The following PDE4D variants were observed in gnomAD, a reference collection of about 807,000 sequenced individuals.
The protein encoded by PDE4D is phosphodiesterase 4D.
Under a neutral mutation model 87.4 loss-of-function variants are expected in PDE4D, and 24 were observed. The ratio of observed to expected loss-of-function variants is 0.27; its 90% CI spans 0.20 to 0.39. PDE4D has a LOEUF of 0.39. PDE4D is among the 10% of genes least tolerant of loss of function. The pLI, the probability that PDE4D is intolerant of heterozygous loss-of-function variation, is 1.00. For synonymous variants in PDE4D, 384 were observed against 383.2 expected (o/e 1.00, Z -0.02); for missense variants, 714 against 1,041.0 (o/e 0.69, Z 4.32).
chr5:59,891,917 C>CAGACCTGAT (rs1751014086), intron 1 of PDE4D, among the ~76,000 whole-genome samples: 1 of 152,196 alleles, frequency 6.6e-6, no homozygotes, highest in African/African-American at 2.4e-5. Flanking sequence ...TTTCCACACC[C>CAGACCTGAT]AGACCTGATT....
intron 3 of PDE4D, among the ~76,000 whole-genome samples, chr5:59,900,165 G>A (rs143075512): frequency 6.3e-4 from 95 of 151,552 alleles, no homozygotes; most frequent in Admixed American, 2.0e-3. Flanking sequence ...GCTTGAACCC[G>A]GGAGGTGAAT....
rs1743407041 is a variant in PDE4D at position 58,975,192 on chromosome 5, C to T, written c.2014-112G>A. 1.7e-6 allele frequency: 1 copy of T among 575,792 alleles called. No individual in the cohort carries two copies. The highest frequency in any genetic ancestry group is 1.9e-5 in the African/African-American group (1 of 53,304). 35.7% of individuals were successfully genotyped at this position (575,792 alleles called of 1,614,324 possible). ...AAACACTGAACAGAAGACTACTAAA[C>T]TTAGTTTGGTAAAATTGTCACTATT... On this transcript the variant is annotated intron_variant, in intron 14 of 14. Coordinates refer to ENST00000340635, the MANE Select transcript of PDE4D (RefSeq NM_001104631.2). The surrounding 1 kb of genome is among the most constrained non-coding windows in gnomAD (Gnocchi z 4.2).
intron 1 of PDE4D, among the ~76,000 whole-genome samples, chr5:59,700,563 A>G (rs780083253): frequency 6.6e-6 from 1 of 152,192 alleles, no homozygotes; most frequent in African/African-American, 2.4e-5. Context: ...AAGTGTATAG[A>G]TATCTTATAT....
intron 2 of PDE4D, among the ~76,000 whole-genome samples, chr5:60,106,120 G>A (rs866978487): frequency 3.8e-4 from 58 of 151,832 alleles, no homozygotes; most frequent in Middle Eastern, 6.8e-3. Context: ...CCCATCTCAC[G>A]TGCAGAGACA....
intron 2 of PDE4D, among the ~76,000 whole-genome samples, chr5:60,074,467 G>A (rs986960291): frequency 3.3e-5 from 5 of 152,000 alleles, no homozygotes; most frequent in African/African-American, 9.7e-5. Flanking sequence ...TTGGTGATGA[G>A]AAGAATACAT....
At chr5:60,094,320 T>C (rs1033290602) in intron 2 of PDE4D, among the ~76,000 whole-genome samples, 2 of 152,182 alleles carry the variant, frequency 1.3e-5, no homozygotes, top group African/African-American at 4.8e-5. Flanking sequence ...TGAAAATATA[T>C]AATTTTTTAG....
At chr5:60,210,254 G>A (rs539936109) in intron 1 of PDE4D, among the ~76,000 whole-genome samples, 3 of 152,034 alleles carry the variant, frequency 2.0e-5, no homozygotes, top group Middle Eastern at 3.4e-3. Flanking sequence ...ATCCATTAAT[G>A]TTGGCAAAGA....
intron 5 of PDE4D, among the ~76,000 whole-genome samples, chr5:59,099,052 T>C (rs1414238159): frequency 6.6e-6 from 1 of 152,216 alleles, no homozygotes; most frequent in African/African-American, 2.4e-5. Context: ...TGTCACCCAA[T>C]ATAATTAAGA....
At chr5:59,591,994 A>AT (rs916570880) in intron 1 of PDE4D, 72 of 203,656 alleles carry the variant, frequency 3.5e-4, no homozygotes, top group Non-Finnish European at 2.2e-4. Context: ...GTAATTATAC[A>AT]TTTTTTTCTT....
chr5:60,207,552 T>C (rs1742693606), intron 1 of PDE4D, among the ~76,000 whole-genome samples: 1 of 152,224 alleles, frequency 6.6e-6, no homozygotes, highest in African/African-American at 2.4e-5. Context: ...TTGTGAAACC[T>C]TGAGTAATTA....
intron 2 of PDE4D, among the ~76,000 whole-genome samples, chr5:60,181,641 A>C (rs1294740345): frequency 6.6e-6 from 1 of 152,230 alleles, no homozygotes; most frequent in Non-Finnish European, 1.5e-5. Context: ...AAATCCAATT[A>C]AGTAGATGAC....
intron 11 of PDE4D, among the ~76,000 whole-genome samples, chr5:58,984,717 T>C (rs1434188464): frequency 6.6e-6 from 1 of 152,226 alleles, no homozygotes; most frequent in Non-Finnish European, 1.5e-5. Flanking sequence ...AATGCATCAC[T>C]AATGTGAATA....
chr5:59,707,292 C>A (rs1463197571), intron 1 of PDE4D, among the ~76,000 whole-genome samples: 7 of 152,028 alleles, frequency 4.6e-5, no homozygotes, highest in Admixed American at 3.9e-4. Flanking sequence ...TTTAATGCAA[C>A]AAACATTTAT....
chr5:59,328,056 C>T (rs1044861251), intron 1 of PDE4D, among the ~76,000 whole-genome samples: 1 of 152,064 alleles, frequency 6.6e-6, no homozygotes, highest in Non-Finnish European at 1.5e-5. Context: ...GGTCCAAGAT[C>T]CAAAAGTGAA....
intron 5 of PDE4D, among the ~76,000 whole-genome samples, chr5:59,058,678 C>G (rs1258955342): frequency 1.3e-5 from 2 of 152,060 alleles, no homozygotes; most frequent in Admixed American, 6.6e-5. Context: ...CGGGGGCTTT[C>G]CACTATGGAG....
At chr5:59,609,604 G>A (rs149548178) in intron 1 of PDE4D, among the ~76,000 whole-genome samples, 4 of 152,210 alleles carry the variant, frequency 2.6e-5, no homozygotes, top group African/African-American at 9.6e-5. Context: ...TAAGTGAAGA[G>A]CAGAACCCTC....
chr5:60,498,675 C>A (rs1436308654), intron 1 of PDE4D, among the ~76,000 whole-genome samples: 1 of 152,178 alleles, frequency 6.6e-6, no homozygotes, highest in African/African-American at 2.4e-5. Context: ...TGGTATCCAG[C>A]TCTTATGGTA....
chr5:59,186,323 A>G (rs890651340), intron 3 of PDE4D, among the ~76,000 whole-genome samples: 2 of 152,290 alleles, frequency 1.3e-5, no homozygotes, highest in East Asian at 3.9e-4. Context: ...CCTACCTCGT[A>G]GAATTGTTGT....
chr5:59,501,109 A>G (rs1347653760), intron 1 of PDE4D, among the ~76,000 whole-genome samples: 3 of 152,192 alleles, frequency 2.0e-5, no homozygotes, highest in Non-Finnish European at 2.9e-5. Context: ...ATTCTTTTTA[A>G]CAATAACAAA....
Sources: gnomAD v4.1 joint callset for allele counts (sites outside exome capture counted in the v4.1 genomes callset) on GRCh38, gnomAD v4.1.1 for gene constraint, Gnocchi (gnomAD v3.1) non-coding constraint, MANE v1.5 for transcripts, NCBI Gene and HGNC (gene_info 2026-07-23, HGNC 2026-07-21) for gene names.